ABCC3: variants seen among roughly 807,000 people sequenced by gnomAD.
ABCC3 encodes ATP-binding cassette sub-family C member 3.
ABCC3 carries 121 observed loss-of-function variants against 165.3 expected under a neutral mutation model. The observed-to-expected ratio is 0.73, with a 90% CI of 0.63 to 0.85. The LOEUF is 0.85. Among genes scored for constraint, ABCC3 ranks in the 40% least tolerant of loss-of-function variants. ABCC3 has a pLI of 0.00. For synonymous variants in ABCC3, 733 were observed against 810.1 expected (o/e 0.90, Z 1.62); for missense variants, 1,869 against 1,964.1 (o/e 0.95, Z 0.92).
Position 50,643,497 on chromosome 17 carries a change from C to T in ABCC3, c.45+8516C>T, listed in dbSNP as rs181639984. 1.1e-3 allele frequency: 518 copies of T among 455,208 alleles called. 1 individual carries two copies. The highest frequency in any genetic ancestry group is 8.2e-3 in the African/African-American group (412 of 50,182). 28.2% of individuals were successfully genotyped at this position (455,208 alleles called of 1,614,324 possible). A position where few individuals can be genotyped will look rare whatever the true frequency, so the allele number is the denominator to read the frequency against. ...CCCCCAGGCAGCATGTCCCTGACTG[C>T]ATGCTTCACAGAGCAGGGATAGGCC... On this transcript the variant is annotated intron_variant, in intron 1 of 30. Transcript: ENST00000285238.
intron 3 of ABCC3, 34 bp from the exon 4 acceptor site, chr17:50,657,012 G>A (rs1967265834): frequency 1.2e-6 from 2 of 1,604,470 alleles, no homozygotes; most frequent in South Asian, 2.2e-5. Flanking sequence ...AGATGTGTGT[G>A]TTCTGCCCGG....
intron 1 of ABCC3, among the ~76,000 whole-genome samples, chr17:50,638,716 G>A (rs576664425): frequency 2.9e-4 from 44 of 152,264 alleles, no homozygotes; most frequent in African/African-American, 1.0e-3. Context: ...TCCCTTAGCT[G>A]TTTACCCATC....
At chr17:50,686,669 G>T (rs370661770) in intron 29 of ABCC3, among the ~76,000 whole-genome samples, 7 of 152,184 alleles carry the variant, frequency 4.6e-5, no homozygotes, top group African/African-American at 1.7e-4. Context: ...ATCAGAGACA[G>T]AAATCAGCTC....
chr17:50,663,347 G>A (rs1352409277), intron 8 of ABCC3: 4 of 331,966 alleles, frequency 1.2e-5, no homozygotes, highest in African/African-American at 6.3e-5. Flanking sequence ...AGAAGGAGCA[G>A]GGAAGTCCAG....
At chr17:50,661,573 C>T (rs9892309) in intron 8 of ABCC3, among the ~76,000 whole-genome samples, 6,203 of 152,274 alleles carry the variant, frequency 0.041, 432 homozygotes, top group African/African-American at 0.14. Flanking sequence ...TGGACTAGAA[C>T]GAGCTCTCAA....
At chr17:50,646,960 C>A (rs112600641) in intron 1 of ABCC3, among the ~76,000 whole-genome samples, 1 of 152,204 alleles carries the variant, frequency 6.6e-6, no homozygotes, top group Admixed American at 6.5e-5. Flanking sequence ...CTCACTGCAA[C>A]CTCCGCCTCC....
intron 13 of ABCC3, 52 bp downstream of exon 13, chr17:50,668,061 G>A (rs750871844): frequency 6.6e-7 from 1 of 1,517,156 alleles, no homozygotes; most frequent in Non-Finnish European, 9.1e-7. Flanking sequence ...AGGTTGTTGG[G>A]GTCAGGGAAG....
rs779259172 is a variant in ABCC3, at chr17:50,683,982, T to G, written c.3988T>G (p.Ser1330Ala). 1.3e-5 allele frequency: 21 copies of G among 1,613,470 alleles called. No individual in the cohort carries two copies. The highest frequency in any genetic ancestry group is 1.8e-5 in the Non-Finnish European group (21 of 1,179,704). The change falls in exon 28 of 31, where the codon TCT becomes GCT. Residue 1330 changes from serine (S) to alanine (A), a missense_variant. Ser to Ala is a moderately conservative substitution (Grantham distance 99). Coordinates refer to ENST00000285238, the MANE Select transcript of ABCC3 (RefSeq NM_003786.4). ...GIVGRTGAGK[S>A]SMTLCLFRIL... Reference sequence around the variant, plus strand: ...CGTGGGCCGCACTGGGGCTGGCAAGTCTTCCATGACCCTTTGCCTGTTCCG... The same window carrying G: ...CGTGGGCCGCACTGGGGCTGGCAAGGCTTCCATGACCCTTTGCCTGTTCCG...
intron 26 of ABCC3, among the ~76,000 whole-genome samples, chr17:50,682,811 T>G (rs1435136390): frequency 2.6e-5 from 4 of 152,194 alleles, no homozygotes; most frequent in Non-Finnish European, 5.9e-5. Context: ...TGGGGTACCA[T>G]TGTGTCCCCA....
intron 1 of ABCC3, among the ~76,000 whole-genome samples, chr17:50,641,402 A>C (rs1002390757): frequency 9.9e-5 from 15 of 152,206 alleles, no homozygotes; most frequent in African/African-American, 3.4e-4. Flanking sequence ...GCAGGGATTC[A>C]GGGAGTGTTA....
intron 23 of ABCC3, among the ~76,000 whole-genome samples, chr17:50,676,843 C>A (rs552418413): frequency 1.3e-5 from 2 of 150,586 alleles, no homozygotes; most frequent in East Asian, 3.9e-4. Flanking sequence ...AATAGTTATA[C>A]ATTGTAGCTG....
intron 1 of ABCC3, among the ~76,000 whole-genome samples, chr17:50,646,826 G>C (rs918841962): frequency 3.3e-5 from 5 of 152,290 alleles, no homozygotes; most frequent in African/African-American, 9.6e-5. Flanking sequence ...CCCAGAGAGG[G>C]GAGAGGTTAA....
intron 1 of ABCC3, among the ~76,000 whole-genome samples, chr17:50,650,066 A>G (rs1967085683): frequency 1.3e-5 from 2 of 152,204 alleles, no homozygotes; most frequent in African/African-American, 4.8e-5. Context: ...TAATCTAAGA[A>G]CACCATGTTG....
At chr17:50,669,736 G>A (rs931026221) in intron 17 of ABCC3, among the ~76,000 whole-genome samples, 7 of 152,188 alleles carry the variant, frequency 4.6e-5, no homozygotes, top group Non-Finnish European at 1.0e-4. Context: ...CAGGCTGAAG[G>A]CCTGTGCAGG....
chr17:50,635,340 C>T, intron 1 of ABCC3: 1 of 633,078 alleles, frequency 1.6e-6, no homozygotes, highest in Non-Finnish European at 2.9e-6. Context: ...TCGCAATCAG[C>T]CGCGGGTTCC....
chr17:50,661,083 C>T lies in ABCC3; in HGVS notation c.967C>T (p.Leu323=). ...ISACFKLIQD[L]LSFINPQLLS... is the part of the protein sequence containing the mutation. ...TGCCTGCTTCAAGCTTATCCAGGAC[C>T]TGCTCTCCTTCATCAATCCACAGCT... Residue 323 remains leucine, a synonymous_variant, in exon 8 of 31, where the codon CTG becomes TTG. Transcript: ENST00000285238. The T allele has an allele frequency of 1.9e-6, 3 of 1,614,014 alleles. No individual in the cohort carries two copies. The highest frequency in any genetic ancestry group is 1.7e-6 in the Non-Finnish European group (2 of 1,179,904).
chr17:50,658,614 C>T (rs1439545861), intron 6 of ABCC3, 118 bp downstream of exon 6: 1 of 1,108,790 alleles, frequency 9.0e-7, no homozygotes, highest in Non-Finnish European at 1.4e-6. Context: ...CCACCCCCCA[C>T]CGCAGTGGGC....
At chr17:50,668,368 G>C in intron 13 of ABCC3, 62 bp from the exon 14 acceptor site, 2 of 1,443,224 alleles carry the variant, frequency 1.4e-6, no homozygotes, top group Non-Finnish European at 1.9e-6. Context: ...GGGATGGGGC[G>C]AGGGTAGGGG....
intron 18 of ABCC3, 29 bp from the exon 19 acceptor site, chr17:50,673,439 AG>A (rs778679870): frequency 6.2e-7 from 1 of 1,606,850 alleles, no homozygotes; most frequent in South Asian, 1.1e-5. Flanking sequence ...GGAGGGTGGT[AG>A]GGGTGAGAGC....
Sources: allele counts gnomAD v4.1 joint callset (sites outside exome capture counted in the v4.1 genomes callset), GRCh38; gene constraint gnomAD v4.1.1; transcripts MANE v1.5; gene names NCBI Gene and HGNC (gene_info 2026-07-23, HGNC 2026-07-21).